CGNL1: variants seen among roughly 807,000 people sequenced by gnomAD.
The protein encoded by CGNL1 is cingulin like 1.
In CGNL1, 132 loss-of-function variants were observed where a neutral mutation model predicts 141.2. The observed-to-expected ratio is 0.93, with a 90% CI of 0.81 to 1.08. The LOEUF (loss-of-function observed/expected upper bound fraction) is 1.08, where lower values mean the gene tolerates loss of function less well. CGNL1 is among the 50% of genes least tolerant of loss of function. The probability of loss-of-function intolerance (pLI) is 0.00; values close to 1 mark genes in which losing one functional copy is unlikely to be tolerated. For missense variants in CGNL1, 1,870 were observed against 1,588.6 expected, an observed-to-expected ratio of 1.18 and a Z score of -3.01; for synonymous variants, 690 against 622.1, an observed-to-expected ratio of 1.11 and a Z score of -1.63.
At chr15:57,536,701 C>T (rs1280637717) in intron 14 of CGNL1, among the ~76,000 whole-genome samples, 2 of 152,152 alleles carry the variant, frequency 1.3e-5, no homozygotes, top group African/African-American at 4.8e-5. Context: ...TGACAATTGC[C>T]ATCCTTACCA....
intron 8 of CGNL1, among the ~76,000 whole-genome samples, chr15:57,471,330 T>C (rs1318872184): frequency 6.6e-6 from 1 of 152,204 alleles, no homozygotes; most frequent in Non-Finnish European, 1.5e-5. Flanking sequence ...CAGGAAGAAC[T>C]GATGGAGAAT....
At chr15:57,539,578 A>T (rs889669647) in intron 14 of CGNL1, among the ~76,000 whole-genome samples, 4 of 152,102 alleles carry the variant, frequency 2.6e-5, no homozygotes, top group Admixed American at 2.0e-4. Flanking sequence ...TGTGGTGTCT[A>T]TTCCCACCTC....
At chr15:57,400,830 C>T (rs1021409324) in intron 1 of CGNL1, among the ~76,000 whole-genome samples, 1 of 145,182 alleles carries the variant, frequency 6.9e-6, no homozygotes, top group Non-Finnish European at 1.5e-5. Context: ...TTGCAGTGAG[C>T]CAGGATTGCA....
chr15:57,518,817 C>T (rs11634745), intron 10 of CGNL1, among the ~76,000 whole-genome samples: 54,529 of 152,128 alleles, frequency 0.36, 10,467 homozygotes, highest in Middle Eastern at 0.46. Context: ...AATGATCAGG[C>T]CCCAAATGTC....
chr15:57,444,826 G>A (rs2063231759), intron 4 of CGNL1, among the ~76,000 whole-genome samples: 1 of 152,314 alleles, frequency 6.6e-6, no homozygotes, highest in Middle Eastern at 3.4e-3. Flanking sequence ...AGTTATGTAA[G>A]AAGTTTCCAT....
intron 4 of CGNL1, among the ~76,000 whole-genome samples, chr15:57,446,060 C>T (rs1203641681): frequency 2.6e-5 from 4 of 152,104 alleles, no homozygotes; most frequent in East Asian, 1.9e-4. Context: ...ATCTCACTGG[C>T]GGTGACTCAG....
chr15:57,453,691 AGGT>A lies in CGNL1; in HGVS notation c.2065_2067del (p.Val689del). Reference sequence around the variant, plus strand: ...GCTTCCTTCCCTGCCAGGCTATTCCAGGTGAAGATGGAACGGGAGCAGCATCAG... The same window carrying A: ...GCTTCCTTCCCTGCCAGGCTATTCCAGAAGATGGAACGGGAGCAGCATCAG... On this transcript the variant is annotated inframe_deletion, in exon 7 of 19. Transcript: ENST00000281282. 6.2e-7 allele frequency: 1 copy of A among 1,613,838 alleles called. No individual in the cohort carries two copies. The highest frequency in any genetic ancestry group is 8.5e-7 in the Non-Finnish European group (1 of 1,179,878).
intron 10 of CGNL1, among the ~76,000 whole-genome samples, chr15:57,520,466 A>G (rs1458780447): frequency 6.6e-6 from 1 of 152,156 alleles, no homozygotes; most frequent in African/African-American, 2.4e-5. Context: ...ACGCTGGTAA[A>G]TTTATGTCTG....
At chr15:57,528,282 T>C (rs1163615317) in intron 12 of CGNL1, among the ~76,000 whole-genome samples, 1 of 151,856 alleles carries the variant, frequency 6.6e-6, no homozygotes, top group East Asian at 1.9e-4. Flanking sequence ...AAAAAAACTA[T>C]ATCTTGCAAC....
intron 4 of CGNL1, among the ~76,000 whole-genome samples, chr15:57,450,359 C>T (rs577780156): frequency 6.6e-6 from 1 of 152,320 alleles, no homozygotes; most frequent in Admixed American, 6.5e-5. Flanking sequence ...TCACTGCAAC[C>T]TCCACTTCGT....
At chr15:57,452,504 A>C (rs1277220032) in intron 6 of CGNL1, among the ~76,000 whole-genome samples, 3 of 152,192 alleles carry the variant, frequency 2.0e-5, no homozygotes. Flanking sequence ...TTCTTTGTGC[A>C]CCTTGAAGTA....
intron 8 of CGNL1, among the ~76,000 whole-genome samples, chr15:57,487,106 ACT>A (rs1339218025): frequency 6.6e-6 from 1 of 152,110 alleles, no homozygotes; most frequent in East Asian, 1.9e-4. Flanking sequence ...ACCACACTAA[ACT>A]CTAATTGCCC....
At chr15:57,506,165 G>C (rs28547087) in intron 8 of CGNL1, among the ~76,000 whole-genome samples, 1 of 152,232 alleles carries the variant, frequency 6.6e-6, no homozygotes, top group Non-Finnish European at 1.5e-5. Context: ...CTCTAACTGG[G>C]AGTCTAACGC....
At chr15:57,404,182 C>T (rs1250067121) in intron 1 of CGNL1, among the ~76,000 whole-genome samples, 1 of 152,170 alleles carries the variant, frequency 6.6e-6, no homozygotes, top group Non-Finnish European at 1.5e-5. Context: ...GCAGTATTTC[C>T]AGGAAAGTAG....
intron 4 of CGNL1, among the ~76,000 whole-genome samples, chr15:57,444,473 G>A (rs1417974242): frequency 6.6e-6 from 1 of 152,044 alleles, no homozygotes; most frequent in Non-Finnish European, 1.5e-5. Flanking sequence ...TTGTGAGTTA[G>A]GCATGTGTTT....
At chr15:57,401,869 G>C (rs2062664116) in intron 1 of CGNL1, 1 of 152,146 alleles carries the variant, frequency 6.6e-6, no homozygotes, top group South Asian at 2.1e-4. Flanking sequence ...TTCTCCTGTT[G>C]ATGGGCTAGT....
intron 1 of CGNL1, among the ~76,000 whole-genome samples, chr15:57,385,034 C>T (rs8039952): frequency 0.28 from 42,569 of 152,106 alleles, 7,383 homozygotes; most frequent in East Asian, 0.56. Flanking sequence ...CATTTCTTAT[C>T]TGAAGGGCAT....
intron 1 of CGNL1, among the ~76,000 whole-genome samples, chr15:57,433,023 A>C (rs1425104184): frequency 1.3e-5 from 2 of 150,778 alleles, no homozygotes; most frequent in African/African-American, 5.0e-5. Flanking sequence ...ATTTTCATTG[A>C]AAAGTCAGTG....
chr15:57,479,177 C>T (rs1337986187), intron 8 of CGNL1, among the ~76,000 whole-genome samples: 1 of 152,118 alleles, frequency 6.6e-6, no homozygotes, highest in Non-Finnish European at 1.5e-5. Flanking sequence ...CTTTATCCAG[C>T]CAACAAATAC....
Sources: gnomAD v4.1 joint callset for allele counts (sites outside exome capture counted in the v4.1 genomes callset) on GRCh38, gnomAD v4.1.1 for gene constraint, MANE v1.5 for transcripts, NCBI Gene and HGNC (gene_info 2026-07-23, HGNC 2026-07-21) for gene names.